DOCK7: variants seen among roughly 807,000 people sequenced by gnomAD.
The protein encoded by DOCK7 is dedicator of cytokinesis protein 7.
In DOCK7, 138 loss-of-function variants were observed where a neutral mutation model predicts 271.0. The ratio of observed to expected loss-of-function variants is 0.51; its 90% confidence interval spans 0.44 to 0.59. DOCK7 has a LOEUF of 0.59. Ranked by LOEUF, DOCK7 falls within the 20% of genes least tolerant of loss-of-function variation. The probability of loss-of-function intolerance (pLI) is 0.00; values close to 1 mark genes in which losing one functional copy is unlikely to be tolerated. For missense variants in DOCK7, 2,066 were observed against 2,592.4 expected (o/e 0.80, Z 4.41); for synonymous variants, 823 against 876.1 (o/e 0.94, Z 1.07).
chr1:62,601,474 G>C (rs1488417469), intron 14 of DOCK7, among the ~76,000 whole-genome samples: 2 of 151,610 alleles, frequency 1.3e-5, no homozygotes, highest in African/African-American at 4.8e-5. Flanking sequence ...ACAATCTCCT[G>C]TTTAAGAGAT....
intron 2 of DOCK7, among the ~76,000 whole-genome samples, chr1:62,657,058 G>C (rs1658104408): frequency 6.6e-6 from 1 of 152,164 alleles, no homozygotes; most frequent in Non-Finnish European, 1.5e-5. Flanking sequence ...AGACCACTAA[G>C]GGAATCTGGA....
chr1:62,549,337 G>A (rs1557700112), intron 22 of DOCK7, among the ~76,000 whole-genome samples: 1 of 152,098 alleles, frequency 6.6e-6, no homozygotes, highest in African/African-American at 2.4e-5. Flanking sequence ...GGACAGTTTT[G>A]GTGGAAAATG....
At chr1:62,565,921 G>A (rs1186311999) in intron 18 of DOCK7, among the ~76,000 whole-genome samples, 4 of 152,040 alleles carry the variant, frequency 2.6e-5, no homozygotes, top group Non-Finnish European at 5.9e-5. Flanking sequence ...AACAGGCAGA[G>A]AGCCAAATCA....
At chr1:62,574,008 A>T (rs1646866881) in intron 18 of DOCK7, among the ~76,000 whole-genome samples, 1 of 152,214 alleles carries the variant, frequency 6.6e-6, no homozygotes, top group African/African-American at 2.4e-5. Flanking sequence ...GGAGTCAGGA[A>T]GTACCTTGGC....
chr1:62,658,959 A>AG (rs1180265046), intron 2 of DOCK7, among the ~76,000 whole-genome samples: 2 of 150,766 alleles, frequency 1.3e-5, no homozygotes, highest in Non-Finnish European at 2.9e-5. Context: ...GTCTCAAAAG[A>AG]GAAAAAAAAA....
At chr1:62,535,321 A>G (rs1006810876) in intron 29 of DOCK7, among the ~76,000 whole-genome samples, 172 bp downstream of exon 29, 1 of 152,262 alleles carries the variant, frequency 6.6e-6, no homozygotes, top group Non-Finnish European at 1.5e-5. Flanking sequence ...AAAGTCTTTC[A>G]TAAAACTGAT....
At chr1:62,586,671 C>T in intron 14 of DOCK7, 47 bp from the exon 15 acceptor site, 5 of 1,139,782 alleles carry the variant, frequency 4.4e-6, no homozygotes, top group Non-Finnish European at 6.4e-6. Flanking sequence ...ATCTAAGAAA[C>T]ACTATGTATC....
chr1:62,463,438 C>T (rs1259162167), intron 48 of DOCK7, among the ~76,000 whole-genome samples: 1 of 152,046 alleles, frequency 6.6e-6, no homozygotes, highest in East Asian at 1.9e-4. Flanking sequence ...AACCTATGAA[C>T]CAGCAACACT....
chr1:62,618,749 C>CT lies in DOCK7; in HGVS notation c.1638dup (p.Glu547ArgfsTer26). ...ACATAAACATCCCTTGCGGGAAACT[C>CT]TAAGATTTCTCTGGTAGGTCTAACT... On this transcript the variant is annotated frameshift_variant, in exon 14 of 50. Transcript: ENST00000635253. LOFTEE classifies it high-confidence loss of function. 1 of 1,613,790 alleles carries CT rather than the reference C, an allele frequency of 6.2e-7. No individual in the cohort carries two copies. The highest frequency in any genetic ancestry group is 8.5e-7 in the Non-Finnish European group (1 of 1,179,756).
intron 14 of DOCK7, among the ~76,000 whole-genome samples, chr1:62,613,783 T>C (rs1320772580): frequency 6.6e-6 from 1 of 152,122 alleles, no homozygotes; most frequent in Non-Finnish European, 1.5e-5. Context: ...CCCTTTACAA[T>C]CCTCTCAAGT....
In DOCK7 at chr1:62,508,124, A is replaced by G. The variant is rs1184865; in HGVS notation, c.4380-66T>C. 897,633 of 1,404,672 alleles carry G rather than the reference A, an allele frequency of 0.64. 290,918 individuals carry two copies. The highest frequency in any genetic ancestry group is 0.77 in the East Asian group (30,167 of 39,222). 87.0% of individuals were successfully genotyped at this position (1,404,672 alleles called of 1,614,324 possible). On this transcript the variant is annotated intron_variant, in intron 34 of 49. Coordinates refer to ENST00000635253, the MANE Select transcript of DOCK7 (RefSeq NM_001367561.1). Reference sequence around the variant, plus strand: ...AAAACTACAATTCTGAAAAGACTTAAGGATGCATAGAAATAAAAAATTTCA... The same window carrying G: ...AAAACTACAATTCTGAAAAGACTTAGGGATGCATAGAAATAAAAAATTTCA...
At position 62,513,834 on chromosome 1, in the gene DOCK7, C is replaced by T; in HGVS notation, c.4001G>A (p.Trp1334Ter). ...SSRSLLICLL[W>*]VLKNADETVL... ...TGTTTCATCTGCATTTTTGAGAACCCAAAGTAGACAGATCAAAAGGCTTCG... is the reference window on the plus strand; with the variant it reads ...TGTTTCATCTGCATTTTTGAGAACCTAAAGTAGACAGATCAAAAGGCTTCG... Residue 1334 changes from tryptophan to a stop codon, truncating the protein, a stop_gained, in exon 32 of 50, where the codon TGG becomes TAG. Transcript: ENST00000635253. LOFTEE classifies it high-confidence loss of function. 6.2e-7 allele frequency: 1 copy of T among 1,613,982 alleles called. No individual in the cohort carries two copies.
At chr1:62,553,429 G>T (rs1452689729) in intron 21 of DOCK7, among the ~76,000 whole-genome samples, 2 of 129,396 alleles carry the variant, frequency 1.5e-5, no homozygotes, top group South Asian at 2.4e-4. Flanking sequence ...GGCAGCACTG[G>T]AGTGCAGCAG....
intron 14 of DOCK7, among the ~76,000 whole-genome samples, chr1:62,598,999 T>G (rs1649712424): frequency 6.6e-6 from 1 of 152,114 alleles, no homozygotes; most frequent in Non-Finnish European, 1.5e-5. Flanking sequence ...TGTGTGACCT[T>G]GAATAAATTA....
chr1:62,506,114 C>T (rs1646928246), intron 35 of DOCK7, among the ~76,000 whole-genome samples: 1 of 151,986 alleles, frequency 6.6e-6, no homozygotes, highest in Non-Finnish European at 1.5e-5. Context: ...TTTGAATTGA[C>T]TTGAGGTTCA....
At chr1:62,471,140 A>G (rs1010156658) in intron 48 of DOCK7, among the ~76,000 whole-genome samples, 3 of 152,212 alleles carry the variant, frequency 2.0e-5, no homozygotes, top group African/African-American at 4.8e-5. Flanking sequence ...TATTGTAAGG[A>G]GACAGTATAT....
intron 14 of DOCK7, among the ~76,000 whole-genome samples, chr1:62,606,460 C>G (rs540683152): frequency 6.6e-6 from 1 of 152,052 alleles, no homozygotes; most frequent in Non-Finnish European, 1.5e-5. Flanking sequence ...ATGGTTCACA[C>G]GACTGTCTCC....
chr1:62,584,056 G>A (rs1366408571), intron 15 of DOCK7: 9 of 710,682 alleles, frequency 1.3e-5, no homozygotes, highest in African/African-American at 7.8e-5. Context: ...CTTTACATAT[G>A]CATGAATAGA....
rs773256683 is a variant in DOCK7 at position 62,473,943 on chromosome 1, T to G, written c.6212+39A>C. On this transcript the variant is annotated intron_variant, in intron 48 of 49. Transcript: ENST00000635253. The stretch of plus-strand genomic sequence containing the variant: ...TATGTCATACTGTGGTATTGGACAG[T>G]CTCAATTTGAAGATCTTTACGCAGA... 20 of 1,546,048 alleles carry G rather than the reference T, an allele frequency of 1.3e-5. 1 individual carries two copies. The South Asian group carries it at 2.3e-4, about 17-fold the overall frequency.
Sources: gnomAD v4.1 joint callset for allele counts (sites outside exome capture counted in the v4.1 genomes callset) on GRCh38, gnomAD v4.1.1 for gene constraint, MANE v1.5 for transcripts, NCBI Gene and HGNC (gene_info 2026-07-23, HGNC 2026-07-21) for gene names.